Variants in KCNQ3 observed in about 807,000 individuals in gnomAD.
The protein encoded by KCNQ3 is potassium voltage-gated channel subfamily KQT member 3.
KCNQ3 carries 30 observed loss-of-function variants against 92.5 expected under a neutral mutation model. The observed-to-expected ratio is 0.32, with a 90% confidence interval of 0.24 to 0.44. The LOEUF (loss-of-function observed/expected upper bound fraction) is 0.44, where lower values mean the gene tolerates loss of function less well. Among genes scored for constraint, KCNQ3 ranks in the 20% least tolerant of loss-of-function variants. KCNQ3 has a pLI of 1.00. For synonymous variants in KCNQ3, 450 were observed against 468.8 expected (o/e 0.96, Z 0.52); for missense variants, 913 against 1,140.3 (o/e 0.80, Z 2.87).
intron 1 of KCNQ3, among the ~76,000 whole-genome samples, chr8:132,216,630 T>C (rs1268170743): frequency 6.6e-6 from 1 of 152,068 alleles, no homozygotes; most frequent in Non-Finnish European, 1.5e-5. Context: ...AGGAGACAAG[T>C]ACACAAATCA....
At chr8:132,151,615 A>G (rs1424267130) in intron 9 of KCNQ3, among the ~76,000 whole-genome samples, 1 of 152,336 alleles carries the variant, frequency 6.6e-6, no homozygotes, top group Admixed American at 6.5e-5. Flanking sequence ...GGGTTATAAA[A>G]GGTTTTTGCT....
intron 1 of KCNQ3, among the ~76,000 whole-genome samples, chr8:132,376,333 A>G (rs1819607241): frequency 6.6e-6 from 1 of 152,216 alleles, no homozygotes; most frequent in African/African-American, 2.4e-5. Flanking sequence ...CATTATAACG[A>G]GTATAATTAC....
At chr8:132,348,944 G>T (rs538718292) in intron 1 of KCNQ3, among the ~76,000 whole-genome samples, 43 of 152,162 alleles carry the variant, frequency 2.8e-4, no homozygotes, top group African/African-American at 9.9e-4. Context: ...GTACCCTCGG[G>T]GCCCACCTAT....
chr8:132,287,817 G>A (rs1816720369), intron 1 of KCNQ3, among the ~76,000 whole-genome samples: 1 of 152,140 alleles, frequency 6.6e-6, no homozygotes, highest in Non-Finnish European at 1.5e-5. Flanking sequence ...TGCTTAACAG[G>A]TACAGGGCTT....
intron 1 of KCNQ3, among the ~76,000 whole-genome samples, chr8:132,314,865 G>T (rs1024546402): frequency 6.6e-6 from 1 of 152,130 alleles, no homozygotes; most frequent in African/African-American, 2.4e-5. Context: ...AACTAGCAAG[G>T]TAATATTCAC....
intron 1 of KCNQ3, among the ~76,000 whole-genome samples, chr8:132,386,628 T>C (rs1339396996): frequency 2.0e-5 from 3 of 152,156 alleles, no homozygotes; most frequent in African/African-American, 7.2e-5. Flanking sequence ...AAATAATTCT[T>C]ACCATATTAA....
At chr8:132,187,314 C>G in intron 1 of KCNQ3, 1 of 452,994 alleles carries the variant, frequency 2.2e-6, no homozygotes, top group South Asian at 1.6e-5. Flanking sequence ...AGCTCACAGT[C>G]CAGATAAACA....
intron 1 of KCNQ3, among the ~76,000 whole-genome samples, chr8:132,296,249 C>T (rs1020685079): frequency 3.3e-5 from 5 of 152,120 alleles, no homozygotes; most frequent in Non-Finnish European, 2.9e-5. Context: ...GGCTTTTCAG[C>T]GAGGTCCTGT....
At chr8:132,215,123 G>A (rs964122858) in intron 1 of KCNQ3, among the ~76,000 whole-genome samples, 14 of 152,234 alleles carry the variant, frequency 9.2e-5, no homozygotes, top group African/African-American at 3.4e-4. Context: ...GCTTGTAGCT[G>A]CAGCACCATC....
At chr8:132,139,662 A>AAAT (rs2130941446) in intron 11 of KCNQ3, among the ~76,000 whole-genome samples, 1 of 152,370 alleles carries the variant, frequency 6.6e-6, no homozygotes, top group South Asian at 2.1e-4. Flanking sequence ...ATCTTGTTAA[A>AAAT]AATGCGAACT....
At chr8:132,158,917 A>AT (rs533977565) in intron 9 of KCNQ3, among the ~76,000 whole-genome samples, 4 of 152,106 alleles carry the variant, frequency 2.6e-5, no homozygotes, top group African/African-American at 7.2e-5. Context: ...CCTGGGACAG[A>AT]TTTTTTTCCC....
At chr8:132,475,732 A>G (rs1822394837) in intron 1 of KCNQ3, among the ~76,000 whole-genome samples, 1 of 152,224 alleles carries the variant, frequency 6.6e-6, no homozygotes, top group Admixed American at 6.5e-5. Context: ...GATTTAGAAA[A>G]CTTGTAGCCT....
At chr8:132,359,989 G>T (rs1476626996) in intron 1 of KCNQ3, among the ~76,000 whole-genome samples, 1 of 152,116 alleles carries the variant, frequency 6.6e-6, no homozygotes, top group Non-Finnish European at 1.5e-5. Context: ...GGCTTGAACT[G>T]GGCACCCCAC....
At chr8:132,326,768 A>T (rs1218542991) in intron 1 of KCNQ3, among the ~76,000 whole-genome samples, 1 of 152,222 alleles carries the variant, frequency 6.6e-6, no homozygotes, top group Non-Finnish European at 1.5e-5. Flanking sequence ...TCCAGCCTCT[A>T]GAACCATGAG....
At chr8:132,207,038 T>C (rs969714169) in intron 1 of KCNQ3, among the ~76,000 whole-genome samples, 1 of 152,238 alleles carries the variant, frequency 6.6e-6, no homozygotes, top group Non-Finnish European at 1.5e-5. Context: ...TGCTCTAAAA[T>C]ATGTATAGCC....
intron 1 of KCNQ3, among the ~76,000 whole-genome samples, chr8:132,222,253 C>A (rs1814263157): frequency 6.6e-6 from 1 of 152,180 alleles, no homozygotes; most frequent in South Asian, 2.1e-4. Context: ...AGAAAATCAA[C>A]TGAAGAAAAA....
chr8:132,186,329 C>T (rs573834857), intron 1 of KCNQ3, 148 bp from the exon 2 acceptor site: 8 of 678,356 alleles, frequency 1.2e-5, no homozygotes, highest in Middle Eastern at 2.4e-4. Flanking sequence ...TCAATCTTCA[C>T]GACAAACCTG....
chr8:132,137,215 T>C (rs1323192211), intron 12 of KCNQ3, among the ~76,000 whole-genome samples: 1 of 152,170 alleles, frequency 6.6e-6, no homozygotes, highest in African/African-American at 2.4e-5. Flanking sequence ...CATTCTTTCC[T>C]TACCCATTGT....
At chr8:132,149,454 C>T (rs956784679) in intron 9 of KCNQ3, among the ~76,000 whole-genome samples, 2 of 152,304 alleles carry the variant, frequency 1.3e-5, no homozygotes, top group East Asian at 3.9e-4. Flanking sequence ...CCTAATCTTT[C>T]CTGGTCATGT....
Sources: gnomAD v4.1 joint callset for allele counts (sites outside exome capture counted in the v4.1 genomes callset) on GRCh38, gnomAD v4.1.1 for gene constraint, MANE v1.5 for transcripts, NCBI Gene and HGNC (gene_info 2026-07-23, HGNC 2026-07-21) for gene names.